CHMP3: variants seen among roughly 807,000 people sequenced by gnomAD.
The protein encoded by CHMP3 is 25.1 protein.
Under a neutral mutation model 27.4 loss-of-function variants are expected in CHMP3, and 8 were observed. The observed-to-expected ratio is 0.29, with a 90% CI of 0.17 to 0.53. CHMP3 has a LOEUF of 0.53. Among genes scored for constraint, CHMP3 ranks in the 20% least tolerant of loss-of-function variants. CHMP3 has a pLI of 0.96. For missense variants in CHMP3, 208 were observed against 271.5 expected (o/e 0.77, Z 1.64); for synonymous variants, 86 against 85.5 (o/e 1.01, Z -0.03).
In CHMP3 at chr2:86,563,255, A is replaced by G. The variant is rs771824505; in HGVS notation, c.45+49T>C. 4.3e-5 allele frequency: 69 copies of G among 1,600,290 alleles called. 1 individual carries two copies. In the South Asian group the frequency reaches 6.4e-4, roughly 15 times the overall value. On this transcript the variant is annotated intron_variant, in intron 1 of 5. Coordinates refer to ENST00000263856, the MANE Select transcript of CHMP3 (RefSeq NM_016079.4). ...TGTCCTGTCATTTACCAACTTCACT[A>G]CGCCCCACACAGATCCACCCGCTTA...
intron 1 of CHMP3, among the ~76,000 whole-genome samples, chr2:86,552,519 A>T (rs949939820): frequency 1.3e-5 from 2 of 152,240 alleles, no homozygotes; most frequent in Non-Finnish European, 2.9e-5. Context: ...AATGTGTCTA[A>T]GTGAAGGATT....
At chr2:86,525,519 C>A (rs953551487) in intron 3 of CHMP3, among the ~76,000 whole-genome samples, 2 of 148,860 alleles carry the variant, frequency 1.3e-5, no homozygotes, top group Non-Finnish European at 3.0e-5. Context: ...GGCGACAGTG[C>A]GAGATCTTGT....
At chr2:86,557,131 C>T (rs1179985021) in intron 1 of CHMP3, among the ~76,000 whole-genome samples, 1 of 152,188 alleles carries the variant, frequency 6.6e-6, no homozygotes, top group Non-Finnish European at 1.5e-5. Flanking sequence ...CAAAACTGAG[C>T]TCTGGCTCCT....
chr2:86,529,166 A>G lies in CHMP3; in HGVS notation c.286+52T>C, dbSNP rs150980484. 3.6e-3 allele frequency: 5,298 copies of G among 1,464,186 alleles called. 29 individuals are homozygous for G. The highest frequency in any genetic ancestry group is 0.031 in the Middle Eastern group (170 of 5,466). The allele number at this position is 1,464,186 out of a possible 1,614,324, so 90.7% of individuals were successfully genotyped here. On this transcript the variant is annotated intron_variant, in intron 3 of 5. Coordinates refer to ENST00000263856, the MANE Select transcript of CHMP3 (RefSeq NM_016079.4). The stretch of plus-strand genomic sequence containing the variant: ...CCTATTCAAGGAACCCGTGTTGATA[A>G]TAACAGCAACCCCGGCATTATGAGG...
intron 1 of CHMP3, among the ~76,000 whole-genome samples, chr2:86,548,467 T>C (rs893825189): frequency 1.3e-5 from 2 of 152,172 alleles, no homozygotes; most frequent in Admixed American, 1.3e-4. Flanking sequence ...TAACCCTGAG[T>C]TGACACAGCA....
At chr2:86,541,470 A>G (rs1676356965) in intron 2 of CHMP3, 1 of 152,098 alleles carries the variant, frequency 6.6e-6, no homozygotes. Flanking sequence ...TTCTCAACCC[A>G]GTGAAACCAC....
intron 2 of CHMP3, among the ~76,000 whole-genome samples, chr2:86,540,131 A>T (rs1676305974): frequency 1.3e-5 from 2 of 151,958 alleles, no homozygotes; most frequent in Non-Finnish European, 2.9e-5. Context: ...GGTTTTCAGT[A>T]ATCTTTTTGG....
intron 3 of CHMP3, among the ~76,000 whole-genome samples, chr2:86,525,476 T>C (rs963194976): frequency 6.7e-5 from 10 of 150,246 alleles, no homozygotes; most frequent in Non-Finnish European, 1.2e-4. Context: ...GAGGTTGCAG[T>C]GAGCCGAGAT....
chr2:86,555,264 T>C (rs1677074652), intron 1 of CHMP3, among the ~76,000 whole-genome samples: 1 of 152,128 alleles, frequency 6.6e-6, no homozygotes, highest in African/African-American at 2.4e-5. Flanking sequence ...ATACAAACAA[T>C]ACTGAGCAGA....
At chr2:86,541,755 A>G (rs1326839103) in intron 2 of CHMP3, among the ~76,000 whole-genome samples, 1 of 152,134 alleles carries the variant, frequency 6.6e-6, no homozygotes, top group African/African-American at 2.4e-5. Context: ...TCCCTCTCCA[A>G]TTCTTTTTAA....
rs1302464839 is a variant in CHMP3 at position 86,540,998 on chromosome 2, AGTGTTAATCTTTAC to A, written c.106+1240_106+1253del. On this transcript the variant is annotated intron_variant, in intron 2 of 5. Transcript: ENST00000263856. ...TGCATTTTGTAGTCTTCCCTTAAAC[AGTGTTAATCTTTAC>A]TTTGGCAGGCAGTCAAATTACCTGC... 2.6e-5 allele frequency: 4 copies of A among 152,164 alleles called. No homozygotes were observed. In the East Asian group the frequency reaches 7.7e-4, roughly 29 times the overall value. 9.4% of individuals were successfully genotyped at this position (152,164 alleles called of 1,614,324 possible).
At chr2:86,561,825 C>G (rs1196490499) in intron 1 of CHMP3, 1 of 152,166 alleles carries the variant, frequency 6.6e-6, no homozygotes, top group Non-Finnish European at 1.5e-5. Context: ...AGTACATATA[C>G]TAGAGACTAG....
At chr2:86,516,105 AC>A (rs1296949815) in intron 3 of CHMP3, among the ~76,000 whole-genome samples, 2 of 142,516 alleles carry the variant, frequency 1.4e-5, no homozygotes, top group Non-Finnish European at 3.0e-5. Context: ...CCGAGATCGC[AC>A]CACTGCACTC....
intron 3 of CHMP3, among the ~76,000 whole-genome samples, chr2:86,525,737 A>T (rs1006688721): frequency 6.6e-6 from 1 of 152,164 alleles, no homozygotes; most frequent in African/African-American, 2.4e-5. Context: ...GAGTATACAT[A>T]TGTTTAATTT....
chr2:86,513,273 T>C (rs1675173973), intron 3 of CHMP3, among the ~76,000 whole-genome samples: 1 of 152,212 alleles, frequency 6.6e-6, no homozygotes, highest in Admixed American at 6.5e-5. Flanking sequence ...ACATATTGTA[T>C]GATTCCAACT....
At chr2:86,542,514 T>C (rs1676406171) in intron 1 of CHMP3, among the ~76,000 whole-genome samples, 1 of 152,208 alleles carries the variant, frequency 6.6e-6, no homozygotes, top group Non-Finnish European at 1.5e-5. Context: ...TTTTAAGTTA[T>C]TCAAAGATTC....
intron 1 of CHMP3, among the ~76,000 whole-genome samples, chr2:86,553,991 C>T (rs1437361303): frequency 6.6e-6 from 1 of 152,148 alleles, no homozygotes; most frequent in Non-Finnish European, 1.5e-5. Context: ...AATCCTAATC[C>T]TCAAAGTGAC....
At chr2:86,536,448 C>T (rs1676144866) in intron 2 of CHMP3, among the ~76,000 whole-genome samples, 1 of 151,502 alleles carries the variant, frequency 6.6e-6, no homozygotes, top group African/African-American at 2.5e-5. Context: ...AATAAACTCC[C>T]ATGGCTTTTG....
chr2:86,530,291 C>A (rs1675869571), intron 2 of CHMP3, among the ~76,000 whole-genome samples: 1 of 152,196 alleles, frequency 6.6e-6, no homozygotes, highest in Non-Finnish European at 1.5e-5. Flanking sequence ...CCGCACCTGG[C>A]CCAGAACTCT....
Sources: gnomAD v4.1 joint callset for allele counts (sites outside exome capture counted in the v4.1 genomes callset) on GRCh38, gnomAD v4.1.1 for gene constraint, MANE v1.5 for transcripts, NCBI Gene and HGNC (gene_info 2026-07-23, HGNC 2026-07-21) for gene names.